Variants in PPP2R5E observed in about 807,000 individuals in gnomAD.
The protein encoded by PPP2R5E is serine/threonine-protein phosphatase 2A 56 kDa regulatory subunit epsilon isoform.
Under a neutral mutation model 65.3 loss-of-function variants are expected in PPP2R5E, and 4 were observed. That is an observed-to-expected ratio of 0.06 (90% CI 0.03 to 0.14). The LOEUF (loss-of-function observed/expected upper bound fraction) is 0.14. Ranked by LOEUF, PPP2R5E falls within the 10% of genes least tolerant of loss-of-function variation. The probability of loss-of-function intolerance (pLI) is 1.00; values close to 1 mark genes in which losing one functional copy is unlikely to be tolerated. For synonymous variants in PPP2R5E, 183 were observed against 187.4 expected (o/e 0.98, Z 0.19); for missense variants, 274 against 556.1 (o/e 0.49, Z 5.10).
chr14:63,517,205 T>C (rs1566757066), intron 2 of PPP2R5E, among the ~76,000 whole-genome samples: 1 of 151,792 alleles, frequency 6.6e-6, no homozygotes, highest in Non-Finnish European at 1.5e-5. Context: ...CAGCCTTGCT[T>C]AAAAAAAATA....
At chr14:63,396,442 C>T (rs995658348) in intron 6 of PPP2R5E, 144 bp downstream of exon 6, 12 of 1,035,122 alleles carry the variant, frequency 1.2e-5, no homozygotes, top group Non-Finnish European at 1.6e-5. Context: ...GAGGAAGAGG[C>T]AGGAGAGTCA....
chr14:63,539,816 T>C (rs1893815574), intron 1 of PPP2R5E, 124 bp from the exon 2 acceptor site: 13 of 1,038,278 alleles, frequency 1.3e-5, no homozygotes, highest in Non-Finnish European at 1.8e-5. Flanking sequence ...CTAAAGAAAA[T>C]AAAATCAGTT....
rs1887495495 is a variant in PPP2R5E, at chr14:63,429,237, GAACT to G, written c.355-7147_355-7144del. Among the ~76,000 whole-genome samples, 6 of 152,114 alleles carry G rather than the reference GAACT, an allele frequency of 3.9e-5. No homozygotes were observed. The East Asian group carries it at 1.2e-3, about 29-fold the overall frequency. ...TCATCTTTCTTGAATAAAAGCAGAT[GAACT>G]AGCTGACCTCAAAGATATTTTCCCC... On this transcript the variant is annotated intron_variant, in intron 3 of 13. Coordinates refer to ENST00000337537, the MANE Select transcript of PPP2R5E (RefSeq NM_006246.5).
chr14:63,384,342 A>G (rs1020667434), intron 12 of PPP2R5E, 102 bp downstream of exon 12: 12 of 1,347,184 alleles, frequency 8.9e-6, no homozygotes, highest in Non-Finnish European at 1.3e-5. Context: ...CTTTTCACAT[A>G]CGTCTTCAGC....
At chr14:63,474,784 G>A (rs1430515266) in intron 2 of PPP2R5E, among the ~76,000 whole-genome samples, 1 of 151,784 alleles carries the variant, frequency 6.6e-6, no homozygotes, top group Non-Finnish European at 1.5e-5. Flanking sequence ...ACATATAAAT[G>A]GTAATATATA....
intron 2 of PPP2R5E, among the ~76,000 whole-genome samples, chr14:63,538,347 G>A (rs1298184992): frequency 6.6e-6 from 1 of 150,752 alleles, no homozygotes; most frequent in African/African-American, 2.4e-5. Flanking sequence ...TTCAACCTCT[G>A]CCTCCCGGTT....
chr14:63,425,645 T>C lies in PPP2R5E; in HGVS notation c.355-3551A>G, dbSNP rs1454952906. Among the ~76,000 whole-genome samples, 10 of 152,330 alleles carry C rather than the reference T, an allele frequency of 6.6e-5. No homozygotes were observed. The East Asian group carries it at 1.9e-3, about 29-fold the overall frequency. ...GCAACTATCTGTTTAGGTATTTGTCTCTCCCTACTAATAACTAATTAGGAA... is the reference window on the plus strand; with the variant it reads ...GCAACTATCTGTTTAGGTATTTGTCCCTCCCTACTAATAACTAATTAGGAA... On this transcript the variant is annotated intron_variant, in intron 3 of 13. Transcript: ENST00000337537.
At chr14:63,436,869 C>T (rs1268577623) in intron 3 of PPP2R5E, among the ~76,000 whole-genome samples, 2 of 152,226 alleles carry the variant, frequency 1.3e-5, no homozygotes, top group African/African-American at 2.4e-5. Flanking sequence ...GCATTTGAAC[C>T]TGAGCAACTC....
chr14:63,383,913 T>G (rs1163180296), intron 12 of PPP2R5E, among the ~76,000 whole-genome samples: 1 of 152,154 alleles, frequency 6.6e-6, no homozygotes, highest in Non-Finnish European at 1.5e-5. Flanking sequence ...CCTTCAGTAC[T>G]TCCTCATCAT....
rs900731607 is a variant in PPP2R5E, at chr14:63,482,541, T to C, written c.158-28656A>G. 2.0e-5 allele frequency among the ~76,000 whole-genome samples: 3 copies of C among 152,142 alleles called. No individual in the cohort carries two copies. The East Asian group carries it at 5.8e-4, about 29-fold the overall frequency. On this transcript the variant is annotated intron_variant, in intron 2 of 13. Coordinates refer to ENST00000337537, the MANE Select transcript of PPP2R5E (RefSeq NM_006246.5). ...CTATTTAGATGGTATTCTGAAAACA[T>C]GACCTTTGGTGAAATCTTTATTTAT...
At chr14:63,439,339 A>C (rs1888090906) in intron 3 of PPP2R5E, among the ~76,000 whole-genome samples, 1 of 151,714 alleles carries the variant, frequency 6.6e-6, no homozygotes, top group Non-Finnish European at 1.5e-5. Flanking sequence ...AAGTGGCCAG[A>C]CTGGGTCCTG....
intron 12 of PPP2R5E, among the ~76,000 whole-genome samples, chr14:63,384,204 A>C (rs147856524): frequency 2.4e-4 from 37 of 152,290 alleles, no homozygotes; most frequent in African/African-American, 8.9e-4. Context: ...GTGCCTCCCC[A>C]AAAGATCTGC....
At chr14:63,540,666 G>A (rs1305765913) in intron 1 of PPP2R5E, among the ~76,000 whole-genome samples, 4 of 150,436 alleles carry the variant, frequency 2.7e-5, no homozygotes, top group African/African-American at 9.8e-5. Context: ...GAGTTGTGGT[G>A]AGCCAAGATC....
chr14:63,479,975 G>T (rs975862581), intron 2 of PPP2R5E, among the ~76,000 whole-genome samples: 2 of 152,072 alleles, frequency 1.3e-5, no homozygotes, highest in African/African-American at 2.4e-5. Flanking sequence ...TTTCCACAAA[G>T]AATTTTTGCT....
chr14:63,510,834 A>C (rs951279657), intron 2 of PPP2R5E, among the ~76,000 whole-genome samples: 4 of 152,274 alleles, frequency 2.6e-5, no homozygotes, highest in African/African-American at 9.6e-5. Flanking sequence ...TGTTTTTAAA[A>C]GCTTGCTCTG....
chr14:63,399,366 C>CTTTGTTTTTTTTTT (rs1885604828), intron 5 of PPP2R5E, among the ~76,000 whole-genome samples: 3 of 48,504 alleles, frequency 6.2e-5, no homozygotes, highest in African/African-American at 1.7e-4. Flanking sequence ...GGATTTCTTT[C>CTTTGTTTTTTTTTT]TTTTTTTTTT....
rs905414096 is a variant in PPP2R5E, at chr14:63,539,435, T to C, written c.157+94A>G. On this transcript the variant is annotated intron_variant, in intron 2 of 13. Transcript: ENST00000337537. ...ATGTGAAGTATCCCATCCCTTCAAT[T>C]TGCAACACATATAAAACTCTACAAA... 2.2e-6 allele frequency: 3 copies of C among 1,354,312 alleles called. No individual in the cohort carries two copies. The Admixed American group carries it at 6.9e-5, about 31-fold the overall frequency. 83.9% of individuals were successfully genotyped at this position (1,354,312 alleles called of 1,614,324 possible).
chr14:63,395,374 G>A, intron 6 of PPP2R5E, 89 bp from the exon 7 acceptor site: 2 of 719,932 alleles, frequency 2.8e-6, no homozygotes, highest in African/African-American at 2.4e-5. Flanking sequence ...GGAGAAGGGG[G>A]AGGAGGAGGA....
intron 2 of PPP2R5E, among the ~76,000 whole-genome samples, chr14:63,462,410 T>A (rs1274104249): frequency 6.6e-6 from 1 of 152,148 alleles, no homozygotes; most frequent in Non-Finnish European, 1.5e-5. Flanking sequence ...AGATAAATCA[T>A]ACGTTCTGCA....
Sources: allele counts gnomAD v4.1 joint callset (sites outside exome capture counted in the v4.1 genomes callset), GRCh38; gene constraint gnomAD v4.1.1; transcripts MANE v1.5; gene names NCBI Gene and HGNC (gene_info 2026-07-23, HGNC 2026-07-21).